IL1RL1: variants seen among roughly 807,000 people sequenced by gnomAD.
IL1RL1 encodes interleukin 1 receptor like 1.
IL1RL1 carries 32 observed loss-of-function variants against 50.9 expected under a neutral mutation model. The observed-to-expected ratio is 0.63, with a 90% CI of 0.47 to 0.84. The LOEUF is 0.84. IL1RL1 is among the 40% of genes least tolerant of loss of function. IL1RL1 has a pLI of 0.00. For missense variants in IL1RL1, 773 were observed against 662.9 expected (o/e 1.17, Z -1.82); for synonymous variants, 275 against 236.0 (o/e 1.17, Z -1.51).
chr2:102,326,169 C>T (rs1307840992), intron 1 of IL1RL1, among the ~76,000 whole-genome samples: 1 of 152,224 alleles, frequency 6.6e-6, no homozygotes, highest in African/African-American at 2.4e-5. Context: ...AGAAACTCTA[C>T]AAGCCAGAAG....
intron 1 of IL1RL1, among the ~76,000 whole-genome samples, chr2:102,311,937 TATA>T (rs1387156338): frequency 1.5e-4 from 7 of 46,550 alleles, no homozygotes; most frequent in South Asian, 8.9e-4. Flanking sequence ...ATATATTATA[TATA>T]ATATTATATA....
At chr2:102,322,753 C>A (rs1676870834) in intron 1 of IL1RL1, among the ~76,000 whole-genome samples, 1 of 152,192 alleles carries the variant, frequency 6.6e-6, no homozygotes, top group Non-Finnish European at 1.5e-5. Context: ...ATATCACCAT[C>A]CCAACAGCAC....
rs188596020 is a variant in IL1RL1 at position 102,324,985 on chromosome 2, A to G, written c.-149-13131A>G. 9.4e-4 allele frequency among the ~76,000 whole-genome samples: 143 copies of G among 152,306 alleles called. 1 individual carries two copies. Among genetic ancestry groups the G allele is most frequent in the Middle Eastern group, 3.4e-3 (1 of 294 alleles). ...CTGCAGACTTAAATGAACCTGTCTGACAGCTTTGAAGAGAGTAGTGGTTCT... is the reference window on the plus strand; with the variant it reads ...CTGCAGACTTAAATGAACCTGTCTGGCAGCTTTGAAGAGAGTAGTGGTTCT... On this transcript the variant is annotated intron_variant, in intron 1 of 10. Coordinates refer to ENST00000233954, the MANE Select transcript of IL1RL1 (RefSeq NM_016232.5).
chr2:102,318,597 G>C, intron 1 of IL1RL1, among the ~76,000 whole-genome samples: 1 of 152,314 alleles, frequency 6.6e-6, no homozygotes, highest in East Asian at 1.9e-4. Context: ...AACTGCAAGA[G>C]TGTAATCAGT....
intron 9 of IL1RL1, among the ~76,000 whole-genome samples, 179 bp downstream of exon 9, chr2:102,348,270 T>C (rs990213028): frequency 2.6e-5 from 4 of 152,224 alleles, no homozygotes; most frequent in Non-Finnish European, 4.4e-5. Flanking sequence ...CATCCTGCTA[T>C]GTAAATCCTC....
rs1279033276 is a variant in IL1RL1, at chr2:102,351,550, G to C, written c.1300G>C (p.Val434Leu). ...TGTATGACTAGATGTAGTCACTGCA[G>C]TGGAAACCAACATACGAAAGAGCAG... ...MLPGEDVVTA[V>L]ETNIRKSRRH... The change falls in exon 11 of 11, where the codon GTG (valine) becomes CTG (leucine). Residue 434 changes from valine (V) to leucine (L), a missense_variant. By Grantham distance (32) the Val-to-Leu change is conservative. Coordinates refer to ENST00000233954, the MANE Select transcript of IL1RL1 (RefSeq NM_016232.5). 6.2e-7 allele frequency: 1 copy of C among 1,613,902 alleles called. No individual in the cohort carries two copies. Among genetic ancestry groups the C allele is most frequent in the South Asian group, 1.1e-5 (1 of 91,064 alleles).
At chr2:102,341,373 C>A in intron 5 of IL1RL1, 1 of 1,157,338 alleles carries the variant, frequency 8.6e-7, no homozygotes, top group Non-Finnish European at 1.1e-6. Context: ...TCACTTCATT[C>A]TAAAAATGTG....
chr2:102,348,833 T>A (rs959946170), intron 9 of IL1RL1, among the ~76,000 whole-genome samples: 6 of 152,190 alleles, frequency 3.9e-5, no homozygotes, highest in African/African-American at 1.4e-4. Context: ...GGACAGGTTC[T>A]TGTCCACTTT....
chr2:102,338,788 T>C (rs1677426592), intron 2 of IL1RL1, 49 bp from the exon 3 acceptor site: 2 of 1,372,974 alleles, frequency 1.5e-6, no homozygotes. Context: ...AGAATTATGA[T>C]CTTTTCATTT....
chr2:102,327,293 T>C (rs897508820), intron 1 of IL1RL1, among the ~76,000 whole-genome samples: 3 of 151,900 alleles, frequency 2.0e-5, no homozygotes, highest in African/African-American at 7.3e-5. Flanking sequence ...ATAAAGATGT[T>C]CTTTGAAACC....
At chr2:102,341,133 G>T in intron 5 of IL1RL1, 2 of 993,074 alleles carry the variant, frequency 2.0e-6, no homozygotes, top group South Asian at 3.3e-5. Flanking sequence ...TACTTTTTTT[G>T]AATGGCAATA....
At chr2:102,340,398 A>G in intron 4 of IL1RL1, 126 bp downstream of exon 4, 1 of 801,160 alleles carries the variant, frequency 1.2e-6, no homozygotes, top group Non-Finnish European at 1.9e-6. Context: ...AGATCACTTG[A>G]GGCCAGGAGT....
chr2:102,315,785 C>T (rs1226214832), intron 1 of IL1RL1, among the ~76,000 whole-genome samples: 1 of 152,120 alleles, frequency 6.6e-6, no homozygotes, highest in Non-Finnish European at 1.5e-5. Context: ...AGAAAACTAG[C>T]CCCTATGCAA....
chr2:102,340,636 C>T (rs1677517828), intron 4 of IL1RL1, 30 bp from the exon 5 acceptor site: 1 of 1,575,678 alleles, frequency 6.3e-7, no homozygotes, highest in Admixed American at 2.0e-5. Flanking sequence ...TGAAGAATTA[C>T]TGAGAAGGAA....
intron 1 of IL1RL1, among the ~76,000 whole-genome samples, chr2:102,322,831 A>C (rs1262030539): frequency 6.6e-6 from 1 of 152,152 alleles, no homozygotes. Context: ...CATACTCTCT[A>C]GTTTCCAGCA....
intron 5 of IL1RL1, chr2:102,341,072 T>A: frequency 1.4e-6 from 1 of 715,808 alleles, no homozygotes; most frequent in Non-Finnish European, 1.9e-6. Flanking sequence ...TTTATTCTTT[T>A]TTTGTGACTT....
intron 1 of IL1RL1, among the ~76,000 whole-genome samples, chr2:102,326,315 C>T (rs1419242882): frequency 1.3e-5 from 2 of 152,144 alleles, no homozygotes; most frequent in African/African-American, 4.8e-5. Flanking sequence ...GAGATTTTGT[C>T]ACCACCAGGC....
Position 102,345,408 on chromosome 2 carries a change from A to G in IL1RL1, c.970+1993A>G, listed in dbSNP as rs943074300. The stretch of plus-strand genomic sequence containing the variant: ...TATAAAAGGAAGGAAAGAGAGAAAT[A>G]TATTTTTACACTCATCACTCCTCAG... On this transcript the variant is annotated intron_variant, in intron 8 of 10. Coordinates refer to ENST00000233954, the MANE Select transcript of IL1RL1 (RefSeq NM_016232.5). The G allele has an allele frequency of 3.0e-6, 3 of 985,088 alleles. No individual in the cohort carries two copies. In the African/African-American group the frequency reaches 5.2e-5, roughly 17 times the overall value. The allele number at this position is 985,088 out of a possible 1,614,324, so 61.0% of individuals were successfully genotyped here.
At chr2:102,336,327 C>T (rs939390077) in intron 1 of IL1RL1, among the ~76,000 whole-genome samples, 7 of 152,124 alleles carry the variant, frequency 4.6e-5, no homozygotes, top group African/African-American at 1.7e-4. Flanking sequence ...ATAATAATAG[C>T]GCCTGCCACA....
Sources: gnomAD v4.1 joint callset for allele counts (sites outside exome capture counted in the v4.1 genomes callset) on GRCh38, gnomAD v4.1.1 for gene constraint, MANE v1.5 for transcripts, NCBI Gene and HGNC (gene_info 2026-07-23, HGNC 2026-07-21) for gene names.